Variants in ZNF474 observed in about 807,000 individuals in gnomAD.
ZNF474 encodes 4933409D10Rik.
For synonymous variants in ZNF474, 192 were observed against 162.2 expected, an observed-to-expected ratio of 1.18 and a Z score of -1.39; for missense variants, 511 against 433.8, an observed-to-expected ratio of 1.18 and a Z score of -1.58.
chr5:122,142,107 T>C (rs909840046), intron 1 of ZNF474, among the ~76,000 whole-genome samples: 1 of 152,240 alleles, frequency 6.6e-6, no homozygotes, highest in Non-Finnish European at 1.5e-5. Flanking sequence ...GTGTCAACCA[T>C]AGGGTGCTAT....
chr5:122,137,869 A>T (rs995897673), intron 1 of ZNF474, among the ~76,000 whole-genome samples: 7 of 152,230 alleles, frequency 4.6e-5, no homozygotes, highest in African/African-American at 1.7e-4. Context: ...CTGCTCTGAA[A>T]AGGATAGATG....
At chr5:122,148,511 C>A (rs1187731986) in intron 1 of ZNF474, among the ~76,000 whole-genome samples, 1 of 152,186 alleles carries the variant, frequency 6.6e-6, no homozygotes, top group Non-Finnish European at 1.5e-5. Flanking sequence ...ACTACCTGGC[C>A]TCTTGGGGCA....
At chr5:122,132,614 C>G (rs968704535) in intron 1 of ZNF474, among the ~76,000 whole-genome samples, 2 of 151,974 alleles carry the variant, frequency 1.3e-5, no homozygotes, top group Non-Finnish European at 2.9e-5. Context: ...AAAGTTTTAT[C>G]ATTTTTGCTT....
Position 122,153,408 on chromosome 5 carries a change from C to T in ZNF474, c.*323C>T, listed in dbSNP as rs898202022. ...CATTACAGAGATATAATTCCCATTC[C>T]AACAGCCAATATTTATTGTCGGTTT... On this transcript the variant is annotated 3_prime_UTR_variant, in exon 2 of 2. Transcript: ENST00000296600. 4 of 264,828 alleles carry T rather than the reference C, an allele frequency of 1.5e-5. No homozygotes were observed. Among genetic ancestry groups the T allele is most frequent in the Non-Finnish European group, 3.0e-5 (4 of 132,134 alleles). The allele number at this position is 264,828 out of a possible 1,614,324, so 16.4% of individuals were successfully genotyped here.
At chr5:122,147,448 A>G (rs751401345) in intron 1 of ZNF474, among the ~76,000 whole-genome samples, 6 of 152,298 alleles carry the variant, frequency 3.9e-5, no homozygotes, top group Non-Finnish European at 7.3e-5. Context: ...ATAGGTATAC[A>G]TGTGCCATGT....
chr5:122,133,872 A>T (rs1755637051), intron 1 of ZNF474, among the ~76,000 whole-genome samples: 1 of 152,236 alleles, frequency 6.6e-6, no homozygotes, highest in African/African-American at 2.4e-5. Flanking sequence ...AGCTTATTTT[A>T]GAATTCAAAT....
At chr5:122,141,101 TTTTATTTTATTTTATTTTATTTTATTTTA>T (rs1755828064) in intron 1 of ZNF474, among the ~76,000 whole-genome samples, 1 of 13,272 alleles carries the variant, frequency 7.5e-5, no homozygotes, top group Non-Finnish European at 1.6e-4. Flanking sequence ...TTATTTTTTA[TTTTATTTTATTTTATTTTATTTTATTTTA>T]TTTTATTTTA....
At chr5:122,141,159 T>TTTGAA (rs1755833564) in intron 1 of ZNF474, among the ~76,000 whole-genome samples, 4 of 39,582 alleles carry the variant, frequency 1.0e-4, no homozygotes, top group African/African-American at 1.7e-4. Context: ...TATTTTATTT[T>TTTGAA]ATTTTATTTT....
rs750361419 is a variant in ZNF474, at chr5:122,153,086, G to C, written c.*1G>C. On this transcript the variant is annotated 3_prime_UTR_variant, in exon 2 of 2. Transcript: ENST00000296600. ...ACCTGGTGGTGCCCTCTGCCTGTAG[G>C]GGAACAAGAGAAAACTATCCCCAGA... 2.5e-6 allele frequency: 4 copies of C among 1,599,510 alleles called. No homozygotes were observed. Among genetic ancestry groups the C allele is most frequent in the African/African-American group, 2.7e-5 (2 of 74,328 alleles).
At chr5:122,144,547 A>G (rs1755935787) in intron 1 of ZNF474, among the ~76,000 whole-genome samples, 1 of 152,218 alleles carries the variant, frequency 6.6e-6, no homozygotes, top group Non-Finnish European at 1.5e-5. Flanking sequence ...CCAATTTTAA[A>G]ATAACAGGAA....
At chr5:122,136,538 T>C (rs1234579476) in intron 1 of ZNF474, among the ~76,000 whole-genome samples, 1 of 152,200 alleles carries the variant, frequency 6.6e-6, no homozygotes, top group Non-Finnish European at 1.5e-5. Flanking sequence ...CAGCAGCACA[T>C]CTATTCTGGT....
intron 1 of ZNF474, among the ~76,000 whole-genome samples, chr5:122,145,931 A>G (rs1755976738): frequency 6.6e-6 from 1 of 152,216 alleles, no homozygotes; most frequent in African/African-American, 2.4e-5. Context: ...TCAGATCTCC[A>G]AGGAGGACGC....
chr5:122,148,588 C>G (rs1449150681), intron 1 of ZNF474, among the ~76,000 whole-genome samples: 1 of 152,096 alleles, frequency 6.6e-6, no homozygotes, highest in Non-Finnish European at 1.5e-5. Context: ...TTGGTCTGCC[C>G]CATTCCCCCA....
chr5:122,147,887 T>C (rs1720129750), intron 1 of ZNF474: 1 of 152,210 alleles, frequency 6.6e-6, no homozygotes. Context: ...AATGGAAAAA[T>C]GGCATCATGT....
chr5:122,142,333 C>T (rs533252107), intron 1 of ZNF474, among the ~76,000 whole-genome samples: 57 of 152,324 alleles, frequency 3.7e-4, no homozygotes, highest in African/African-American at 1.3e-3. Flanking sequence ...ATCCAATATC[C>T]TAATATTTCC....
At position 122,152,185 on chromosome 5, in the gene ZNF474, T is replaced by A. The variant is rs114918153; in HGVS notation, c.195T>A (p.Thr65=). Residue 65 remains threonine, a synonymous_variant, in exon 2 of 2, where the codon ACT becomes ACA. Transcript: ENST00000296600. ...KTDTQKKRPG[T]VILSKLSSRR... ...ACACTCAGAAAAAGAGACCTGGGAC[T>A]GTGATACTATCAAAACTGTCAAGTA... The A allele has an allele frequency of 2.6e-5, 42 of 1,614,162 alleles. No homozygotes were observed. The East Asian group carries it at 9.1e-4, about 35-fold the overall frequency.
chr5:122,143,422 A>G (rs921917104), intron 1 of ZNF474, among the ~76,000 whole-genome samples: 2 of 152,196 alleles, frequency 1.3e-5, no homozygotes, highest in African/African-American at 4.8e-5. Context: ...GGGGCTGGCA[A>G]ACATATGCAT....
At chr5:122,131,120 T>C (rs1441220454) in intron 1 of ZNF474, among the ~76,000 whole-genome samples, 1 of 152,074 alleles carries the variant, frequency 6.6e-6, no homozygotes, top group African/African-American at 2.4e-5. Flanking sequence ...TACCATACAT[T>C]TGTGAGAATG....
rs368177469 is a variant in ZNF474 at position 122,152,919 on chromosome 5, C to T, written c.929C>T (p.Pro310Leu). Residue 310 changes from proline (P) to leucine (L), a missense_variant, in exon 2 of 2, where the codon CCT becomes CTT. Pro to Leu is a moderately conservative substitution (Grantham distance 98, BLOSUM62 -3). Transcript: ENST00000296600. ...LVHQRSCKTH[P>L]YGPKYQNLNL... ...CACCAGAGAAGTTGTAAAACTCATC[C>T]TTATGGGCCAAAATATCAGAATTTG... 6.2e-7 allele frequency: 1 copy of T among 1,611,900 alleles called. No individual in the cohort carries two copies. The highest frequency in any genetic ancestry group is 1.4e-5 in the African/African-American group (1 of 73,072).
Sources: allele counts gnomAD v4.1 joint callset (sites outside exome capture counted in the v4.1 genomes callset), GRCh38; gene constraint gnomAD v4.1.1; transcripts MANE v1.5; gene names NCBI Gene and HGNC (gene_info 2026-07-23, HGNC 2026-07-21).